GLI3: variants seen among roughly 807,000 people sequenced by gnomAD.
GLI3 encodes transcription activator GLI3.
GLI3 carries 20 observed loss-of-function variants against 100.8 expected under a neutral mutation model. The ratio of observed to expected loss-of-function variants is 0.20; its 90% CI spans 0.14 to 0.29. The LOEUF (loss-of-function observed/expected upper bound fraction) is 0.29. GLI3 is among the 10% of genes least tolerant of loss of function. GLI3 has a pLI of 1.00. For missense variants in GLI3, 2,040 were observed against 2,128.5 expected (o/e 0.96, Z 0.82); for synonymous variants, 938 against 860.5 (o/e 1.09, Z -1.58).
chr7:42,250,244 A>G (rs1789017879), intron 1 of GLI3, among the ~76,000 whole-genome samples: 1 of 152,178 alleles, frequency 6.6e-6, no homozygotes, highest in African/African-American at 2.4e-5. Context: ...AATATGGACC[A>G]TTTGTTTTCC....
chr7:42,188,335 G>A (rs1182834768), intron 2 of GLI3, among the ~76,000 whole-genome samples: 3 of 152,100 alleles, frequency 2.0e-5, no homozygotes, highest in African/African-American at 4.8e-5. Context: ...TATTGAAGAC[G>A]ACTAATAATA....
intron 10 of GLI3, among the ~76,000 whole-genome samples, chr7:42,004,241 T>C (rs941407482): frequency 3.0e-4 from 46 of 152,146 alleles, no homozygotes; most frequent in African/African-American, 1.1e-3. Flanking sequence ...ACCAACACAA[T>C]TATCTAACAC....
chr7:42,128,264 C>T (rs1296525682), intron 3 of GLI3, among the ~76,000 whole-genome samples: 2 of 151,950 alleles, frequency 1.3e-5, no homozygotes, highest in African/African-American at 2.4e-5. Context: ...AGCCAGAATT[C>T]AATTATTTGA....
chr7:42,157,998 A>T lies in GLI3; in HGVS notation c.125-9530T>A, dbSNP rs79675362. ...AAATTAGCCTATGTAAAATTATATC[A>T]TTTTGATAAATTAGCCTATGTAAAA... On this transcript the variant is annotated intron_variant, in intron 2 of 14. Transcript: ENST00000395925. 2.6e-3 allele frequency among the ~76,000 whole-genome samples: 395 copies of T among 152,280 alleles called. 6 individuals carry two copies. In the East Asian group the frequency reaches 0.031, roughly 12 times the overall value.
intron 2 of GLI3, among the ~76,000 whole-genome samples, chr7:42,173,946 A>G (rs1293470973): frequency 6.6e-6 from 1 of 152,206 alleles, no homozygotes; most frequent in Non-Finnish European, 1.5e-5. Context: ...AGGATTACAG[A>G]AATTTTGGCC....
chr7:42,132,448 T>C lies in GLI3; in HGVS notation c.367+15778A>G, dbSNP rs147365917. On this transcript the variant is annotated intron_variant, in intron 3 of 14. Transcript: ENST00000395925. ...GCATGTGTTAACTTGTACATGATAA[T>C]TGTCATCAAATATGGTAAAAAATGT... Among the ~76,000 whole-genome samples, 41 of 152,300 alleles carry C rather than the reference T, an allele frequency of 2.7e-4. No homozygotes were observed. In the East Asian group the frequency reaches 6.4e-3, roughly 24 times the overall value.
intron 2 of GLI3, chr7:42,151,183 C>T (rs2128788503): frequency 6.6e-6 from 1 of 152,186 alleles, no homozygotes; most frequent in South Asian, 2.1e-4. Context: ...CCAACCACAC[C>T]TCCCCGCTCC....
chr7:42,129,741 C>T (rs373496615), intron 3 of GLI3, among the ~76,000 whole-genome samples: 5 of 151,976 alleles, frequency 3.3e-5, no homozygotes, highest in African/African-American at 4.8e-5. Context: ...ACCCGGGAGG[C>T]GGAGCTTGCA....
intron 10 of GLI3, among the ~76,000 whole-genome samples, chr7:41,984,488 T>C (rs1787758508): frequency 6.6e-6 from 1 of 152,180 alleles, no homozygotes; most frequent in African/African-American, 2.4e-5. Flanking sequence ...TTCAGAATGC[T>C]ACCACAAGGC....
At chr7:42,036,638 C>T (rs917051087) in intron 7 of GLI3, among the ~76,000 whole-genome samples, 2 of 152,196 alleles carry the variant, frequency 1.3e-5, no homozygotes, top group Non-Finnish European at 2.9e-5. Flanking sequence ...TATCTTTAAA[C>T]ATTTAATGAC....
intron 2 of GLI3, among the ~76,000 whole-genome samples, chr7:42,205,571 A>T (rs1442412071): frequency 6.6e-6 from 1 of 152,196 alleles, no homozygotes; most frequent in Non-Finnish European, 1.5e-5. Flanking sequence ...AAGCTGGAGA[A>T]TCGTACTTTT....
At chr7:42,208,246 C>T (rs1290744090) in intron 2 of GLI3, among the ~76,000 whole-genome samples, 1 of 152,170 alleles carries the variant, frequency 6.6e-6, no homozygotes, top group African/African-American at 2.4e-5. Context: ...TCTAAGGTCT[C>T]AGGCTGGAGT....
At chr7:42,005,788 G>T (rs938874660) in intron 10 of GLI3, among the ~76,000 whole-genome samples, 1 of 152,074 alleles carries the variant, frequency 6.6e-6, no homozygotes, top group Non-Finnish European at 1.5e-5. Context: ...TCCTTGTTTT[G>T]TTCCTCTCGA....
chr7:42,168,626 C>T (rs181584869), intron 2 of GLI3, among the ~76,000 whole-genome samples: 36 of 152,206 alleles, frequency 2.4e-4, no homozygotes, highest in Non-Finnish European at 3.8e-4. Context: ...CTATAAAGTT[C>T]GAAAACAGGC....
At chr7:42,108,961 T>A (rs1378247960) in intron 3 of GLI3, among the ~76,000 whole-genome samples, 1 of 152,004 alleles carries the variant, frequency 6.6e-6, no homozygotes, top group Non-Finnish European at 1.5e-5. Flanking sequence ...GAACTGGAAG[T>A]CTGACGCCAT....
At chr7:41,985,761 T>G (rs1173773176) in intron 10 of GLI3, among the ~76,000 whole-genome samples, 1 of 152,216 alleles carries the variant, frequency 6.6e-6, no homozygotes, top group Non-Finnish European at 1.5e-5. Context: ...TGGATTATAT[T>G]GGGGATACCT....
At chr7:42,213,792 T>C (rs1424534311) in intron 2 of GLI3, among the ~76,000 whole-genome samples, 1 of 152,272 alleles carries the variant, frequency 6.6e-6, no homozygotes, top group South Asian at 2.1e-4. Flanking sequence ...ACAGCCTATC[T>C]GTAAATTACT....
intron 5 of GLI3, 139 bp downstream of exon 5, chr7:42,048,352 A>C (rs1784286527): frequency 1.4e-6 from 1 of 724,290 alleles, no homozygotes; most frequent in Non-Finnish European, 2.6e-6. Flanking sequence ...AAACGCAATC[A>C]TGCATGTAAG....
chr7:41,965,112 CCT>C lies in GLI3; in HGVS notation c.3959_3960del (p.Gln1320ArgfsTer29). 6.2e-7 allele frequency: 1 copy of C among 1,613,768 alleles called. No individual in the cohort carries two copies. The highest frequency in any genetic ancestry group is 8.5e-7 in the Non-Finnish European group (1 of 1,179,990). On this transcript the variant is annotated frameshift_variant, in exon 15 of 15. Coordinates refer to ENST00000395925, the MANE Select transcript of GLI3 (RefSeq NM_000168.6). LOFTEE classifies it high-confidence loss of function. ...CCGAGGAGCTGGTGAGCCAGGTACC[CCT>C]GTCCCACTGGGTCCTGGTTCTGCAT... ...NGMQNQDPVG[Q>X]GYLAHQLLGD...
Sources: gnomAD v4.1 joint callset for allele counts (sites outside exome capture counted in the v4.1 genomes callset) on GRCh38, gnomAD v4.1.1 for gene constraint, MANE v1.5 for transcripts, NCBI Gene and HGNC (gene_info 2026-07-23, HGNC 2026-07-21) for gene names.